SP140L: variants seen among roughly 807,000 people sequenced by gnomAD.
SP140L encodes the protein nuclear body protein SP140-like protein.
A neutral mutation model predicts 84.3 loss-of-function variants in SP140L; 64 were observed. The ratio of observed to expected loss-of-function variants is 0.76; its 90% confidence interval spans 0.62 to 0.94. The LOEUF (loss-of-function observed/expected upper bound fraction) is 0.94, where lower values mean the gene tolerates loss of function less well. SP140L is among the 40% of genes least tolerant of loss of function. SP140L has a pLI of 0.00. For missense variants in SP140L, 628 were observed against 692.5 expected (o/e 0.91, Z 1.05); for synonymous variants, 242 against 236.9 (o/e 1.02, Z -0.20).
At chr2:230,392,355 C>T in intron 12 of SP140L, 126 bp downstream of exon 12, 1 of 1,445,708 alleles carries the variant, frequency 6.9e-7, no homozygotes, top group Non-Finnish European at 9.3e-7. Flanking sequence ...AGTTTATCCT[C>T]TCACTCAGGA....
chr2:230,344,962 G>A (rs1333207644), intron 2 of SP140L, among the ~76,000 whole-genome samples: 4 of 152,160 alleles, frequency 2.6e-5, no homozygotes, highest in Admixed American at 2.0e-4. Flanking sequence ...CACTTGAGTA[G>A]AATATGTGTT....
chr2:230,399,172 T>G (rs1265787451), intron 14 of SP140L, among the ~76,000 whole-genome samples: 3 of 152,234 alleles, frequency 2.0e-5, no homozygotes, highest in South Asian at 4.1e-4. Flanking sequence ...CAATACAGCA[T>G]ATAATGTATT....
intron 7 of SP140L, chr2:230,371,978 T>C: frequency 3.6e-6 from 1 of 280,448 alleles, no homozygotes; most frequent in Non-Finnish European, 6.8e-6. Flanking sequence ...AAAATGTGAC[T>C]ATGGAAGAGT....
intron 2 of SP140L, among the ~76,000 whole-genome samples, chr2:230,356,225 A>G (rs910517340): frequency 1.3e-5 from 2 of 152,186 alleles, no homozygotes; most frequent in African/African-American, 4.8e-5. Context: ...ACTCTTACAC[A>G]ATGACCCAGT....
intron 15 of SP140L, chr2:230,400,649 G>A: frequency 1.8e-6 from 1 of 569,082 alleles, no homozygotes; most frequent in Non-Finnish European, 3.1e-6. Context: ...TGAAAGCCCA[G>A]TTTCTGACAC....
At chr2:230,330,946 G>C (rs1380121644) in intron 2 of SP140L, among the ~76,000 whole-genome samples, 1 of 152,154 alleles carries the variant, frequency 6.6e-6, no homozygotes, top group Non-Finnish European at 1.5e-5. Context: ...GACACCACCA[G>C]TCCATGAGTC....
chr2:230,393,827 A>G (rs116657678), intron 13 of SP140L, among the ~76,000 whole-genome samples: 373 of 152,264 alleles, frequency 2.4e-3, no homozygotes, highest in Non-Finnish European at 3.6e-3. Flanking sequence ...ATCATCTCCA[A>G]CTCAAAATCA....
intron 3 of SP140L, 68 bp downstream of exon 3, chr2:230,358,035 T>C: frequency 1.3e-6 from 2 of 1,557,140 alleles, no homozygotes; most frequent in Non-Finnish European, 1.8e-6. Flanking sequence ...CTGTAAGTGC[T>C]CCTGTAAAGT....
In SP140L at chr2:230,346,903, G is replaced by T. The variant is rs180720844; in HGVS notation, c.108-10902G>T. ...CATTTCTTTAGAGTCAGTTGTTAGAGCTTATTAATTTCTTTTAGGGGTTTT... is the reference window on the plus strand; with the variant it reads ...CATTTCTTTAGAGTCAGTTGTTAGATCTTATTAATTTCTTTTAGGGGTTTT... On this transcript the variant is annotated intron_variant, in intron 2 of 18. Transcript: ENST00000415673. Among the ~76,000 whole-genome samples, 14 of 152,294 alleles carry T rather than the reference G, an allele frequency of 9.2e-5. No individual in the cohort carries two copies. The East Asian group carries it at 2.3e-3, about 25-fold the overall frequency.
At chr2:230,330,353 C>T (rs961324674) in intron 2 of SP140L, among the ~76,000 whole-genome samples, 4 of 152,202 alleles carry the variant, frequency 2.6e-5, no homozygotes, top group South Asian at 2.1e-4. Context: ...CTTCTCTGCC[C>T]CTGGCCTGTA....
chr2:230,384,661 C>G (rs955969552), intron 8 of SP140L, among the ~76,000 whole-genome samples: 2 of 152,028 alleles, frequency 1.3e-5, no homozygotes, highest in African/African-American at 2.4e-5. Context: ...GCCTGTAACC[C>G]CAACACTTTG....
In SP140L at chr2:230,389,223, C is replaced by T. The variant is rs1301373556; in HGVS notation, c.859+590C>T. 2.0e-5 allele frequency among the ~76,000 whole-genome samples: 3 copies of T among 152,254 alleles called. No individual in the cohort carries two copies. The East Asian group carries it at 5.8e-4, about 29-fold the overall frequency. On this transcript the variant is annotated intron_variant, in intron 10 of 18. Coordinates refer to ENST00000415673, the MANE Select transcript of SP140L (RefSeq NM_138402.6). ...ACCAAAGACCGCTTCCCCTGCCCAT[C>T]ATGGCCTCTACACCTCTGTTTGGAA...
intron 5 of SP140L, among the ~76,000 whole-genome samples, chr2:230,370,210 G>A (rs925517961): frequency 2.0e-5 from 3 of 152,198 alleles, no homozygotes; most frequent in Non-Finnish European, 2.9e-5. Flanking sequence ...CATGGGGAGA[G>A]CATGGCTGTT....
intron 7 of SP140L, chr2:230,371,871 C>T (rs1206504648): frequency 1.4e-5 from 7 of 514,644 alleles, no homozygotes; most frequent in African/African-American, 1.2e-4. Context: ...AATTTAGAGA[C>T]CTTGAAATGG....
Position 230,400,309 on chromosome 2 carries a change from C to T in SP140L, c.1313+67C>T, listed in dbSNP as rs891079452. The T allele has an allele frequency of 6.1e-6, 9 of 1,473,206 alleles. No homozygotes were observed. In the Admixed American group the frequency reaches 1.1e-4, roughly 17 times the overall value. The allele number at this position is 1,473,206 out of a possible 1,614,324, so 91.3% of individuals were successfully genotyped here. On this transcript the variant is annotated intron_variant, in intron 15 of 18. Transcript: ENST00000415673. ...CCTTCCACCTGCCATGCGCACTCTC[C>T]AGCAGAATGTCTGCTTGTGTCTAGA...
intron 10 of SP140L, 70 bp from the exon 11 acceptor site, chr2:230,389,849 A>G (rs1575534410): frequency 7.0e-7 from 1 of 1,435,516 alleles, no homozygotes; most frequent in Non-Finnish European, 9.8e-7. Flanking sequence ...CCTTTATAGG[A>G]TTTACCTCAG....
intron 2 of SP140L, among the ~76,000 whole-genome samples, chr2:230,353,549 TCTG>T (rs990304096): frequency 2.6e-5 from 4 of 152,110 alleles, no homozygotes; most frequent in Admixed American, 2.0e-4. Flanking sequence ...TGGGAAATGT[TCTG>T]CTTTTTGTTT....
At chr2:230,371,518 T>C (rs1027132655) in intron 6 of SP140L, 80 bp from the exon 7 acceptor site, 1 of 1,238,584 alleles carries the variant, frequency 8.1e-7, no homozygotes, top group Non-Finnish European at 1.1e-6. Context: ...ACTCAAGCCT[T>C]CTATAGTATG....
Position 230,327,261 on chromosome 2 carries a change from G to A in SP140L, c.-9G>A. ...GCTCTGACACCCAGGCAGGGCCTAGGGTGGGACGATGGCAGGTGGGGGCAG... is the reference window on the plus strand; with the variant it reads ...GCTCTGACACCCAGGCAGGGCCTAGAGTGGGACGATGGCAGGTGGGGGCAG... On this transcript the variant is annotated 5_prime_UTR_variant, in exon 1 of 19. Coordinates refer to ENST00000415673, the MANE Select transcript of SP140L (RefSeq NM_138402.6). 1 of 1,610,580 alleles carries A rather than the reference G, an allele frequency of 6.2e-7. No homozygotes were observed. Among genetic ancestry groups the A allele is most frequent in the Non-Finnish European group, 8.5e-7 (1 of 1,178,454 alleles).
Sources: allele counts gnomAD v4.1 joint callset (sites outside exome capture counted in the v4.1 genomes callset), GRCh38; gene constraint gnomAD v4.1.1; transcripts MANE v1.5; gene names NCBI Gene and HGNC (gene_info 2026-07-23, HGNC 2026-07-21).